The following CDR2L variants were observed in gnomAD, a reference collection of about 807,000 sequenced individuals.
CDR2L encodes cerebellar degeneration-related protein 2-like.
CDR2L carries 19 observed loss-of-function variants against 36.1 expected under a neutral mutation model. That is an observed-to-expected ratio of 0.53 (90% CI 0.37 to 0.77). The LOEUF (loss-of-function observed/expected upper bound fraction) is 0.77. Ranked by LOEUF, CDR2L falls within the 30% of genes least tolerant of loss-of-function variation. The pLI, the probability that CDR2L is intolerant of heterozygous loss-of-function variation, is 0.00. For missense variants in CDR2L, 575 were observed against 627.2 expected, an observed-to-expected ratio of 0.92 and a Z score of 0.89; for synonymous variants, 285 against 280.4, an observed-to-expected ratio of 1.02 and a Z score of -0.16.
At chr17:74,988,789 C>T (rs1309884486) in intron 1 of CDR2L, among the ~76,000 whole-genome samples, 1 of 152,166 alleles carries the variant, frequency 6.6e-6, no homozygotes, top group Non-Finnish European at 1.5e-5. Flanking sequence ...GCCAGTGTGC[C>T]AGGCGAGAGA....
chr17:74,988,340 C>CG (rs2039776486), intron 1 of CDR2L, among the ~76,000 whole-genome samples: 2 of 151,880 alleles, frequency 1.3e-5, no homozygotes, highest in Non-Finnish European at 2.9e-5. Flanking sequence ...AAGTGGGGGG[C>CG]GGGGGGCGGT....
intron 3 of CDR2L, 96 bp from the exon 4 acceptor site, chr17:75,001,968 C>T: frequency 9.0e-7 from 1 of 1,111,606 alleles, no homozygotes. Flanking sequence ...CTGCCTCCTA[C>T]CCAACGTCCC....
At chr17:74,999,671 G>A in intron 2 of CDR2L, 55 bp downstream of exon 2, 2 of 1,065,740 alleles carry the variant, frequency 1.9e-6, no homozygotes, top group African/African-American at 1.6e-5. Context: ...TGGCCTGTGT[G>A]TGCCTTTATG....
In CDR2L at chr17:74,989,138, C is replaced by G. The variant is rs1231742321; in HGVS notation, c.79+1016C>G. Among the ~76,000 whole-genome samples the G allele has an allele frequency of 6.6e-6, 1 of 152,116 alleles. No individual in the cohort carries two copies. The highest frequency in any genetic ancestry group is 1.5e-5 in the Non-Finnish European group (1 of 68,010). ...GCCATTGTGGCCTGCTGTGGTGTGC[C>G]CACACCCTGGTCTCCATCCACAAGG... On this transcript the variant is annotated intron_variant, in intron 1 of 4. Transcript: ENST00000337231. The surrounding 1 kb of genome is among the most constrained non-coding windows in gnomAD (Gnocchi z 4.2).
At position 75,003,579 on chromosome 17, in the gene CDR2L, G is replaced by C. The variant is rs1391391663; in HGVS notation, c.903G>C (p.Gly301=). The C allele has an allele frequency of 2.4e-5, 36 of 1,508,628 alleles. No homozygotes were observed. The highest frequency in any genetic ancestry group is 7.4e-5 in the East Asian group (3 of 40,572). The allele number at this position is 1,508,628 out of a possible 1,614,324, so 93.5% of individuals were successfully genotyped here. The stretch of plus-strand genomic sequence containing the variant: ...GGGACGACTTGGGCGCCCAGGACGG[G>C]GTCTCCTCACCGGCAGCCTCTCCAG... ...GRGDDLGAQD[G]VSSPAASPGH... The change falls in exon 5 of 5, where the codon GGG becomes GGC. Residue 301 remains glycine (G), a synonymous_variant. Coordinates refer to ENST00000337231, the MANE Select transcript of CDR2L (RefSeq NM_014603.3).
At chr17:74,993,981 A>G (rs1183383135) in intron 1 of CDR2L, among the ~76,000 whole-genome samples, 1 of 152,206 alleles carries the variant, frequency 6.6e-6, no homozygotes, top group Non-Finnish European at 1.5e-5. Context: ...CTCACAAGGC[A>G]ATGTCAGTTC....
chr17:74,997,068 C>G (rs11650669), intron 1 of CDR2L, among the ~76,000 whole-genome samples: 1 of 5,116 alleles, frequency 2.0e-4, no homozygotes, highest in Non-Finnish European at 9.7e-4. Flanking sequence ...TTCTTTCTTT[C>G]TTTCTTTCTT....
chr17:75,001,484 C>A lies in CDR2L; in HGVS notation c.336C>A (p.Ile112=). The change falls in exon 3 of 5, where the codon ATC becomes ATA. Residue 112 remains isoleucine (I), a synonymous_variant. Coordinates refer to ENST00000337231, the MANE Select transcript of CDR2L (RefSeq NM_014603.3). ...VLESKAAQQK[I]HGLTETIERL... is the part of the protein sequence containing the mutation. ...AGAGTAAGGCTGCCCAGCAGAAGAT[C>A]CATGGGTGAGGGCCCGGCTGAGGGC... The A allele has an allele frequency of 6.4e-7, 1 of 1,563,888 alleles. No homozygotes were observed. Among genetic ancestry groups the A allele is most frequent in the Non-Finnish European group, 8.6e-7 (1 of 1,157,444 alleles).
chr17:74,996,044 A>G (rs1598653734), intron 1 of CDR2L, among the ~76,000 whole-genome samples: 2 of 151,554 alleles, frequency 1.3e-5, no homozygotes, highest in East Asian at 3.9e-4. Flanking sequence ...AATACAATTC[A>G]CTCATTTAAA....
chr17:74,989,064 T>C lies in CDR2L; in HGVS notation c.79+942T>C, dbSNP rs1011805908. Among the ~76,000 whole-genome samples the C allele has an allele frequency of 5.3e-5, 8 of 152,166 alleles. No homozygotes were observed. The highest frequency in any genetic ancestry group is 1.2e-4 in the Non-Finnish European group (8 of 68,028). ...TGTCCAGGGAGAAGTGACCTTCCCA[T>C]GGCCTCCAGCAAGCTGGGGGGTGTG... is the stretch of plus-strand genomic sequence containing the variant. On this transcript the variant is annotated intron_variant, in intron 1 of 4. Coordinates refer to ENST00000337231, the MANE Select transcript of CDR2L (RefSeq NM_014603.3). This position sits in a 1 kb window ranked among gnomAD's most constrained non-coding sequence, Gnocchi z 4.2.
chr17:75,004,489 G>A lies in CDR2L; in HGVS notation c.*415G>A, dbSNP rs73365045. ...GAGATTTGCAATGCAAGGTCTCCTT[G>A]ACCCCTTGCCACAACTGGAAACACT... is the stretch of plus-strand genomic sequence containing the variant. On this transcript the variant is annotated 3_prime_UTR_variant, in exon 5 of 5. Transcript: ENST00000337231. 0.054 allele frequency: 8,542 copies of A among 157,100 alleles called. 593 individuals are homozygous for A. Among genetic ancestry groups the A allele is most frequent in the African/African-American group, 0.17 (6,873 of 40,406 alleles). 9.7% of individuals were successfully genotyped at this position (157,100 alleles called of 1,614,324 possible). A position where few individuals can be genotyped will look rare whatever the true frequency, so the allele number is the denominator to read the frequency against.
chr17:74,990,783 T>TG (rs906184079), intron 1 of CDR2L, among the ~76,000 whole-genome samples: 2 of 152,180 alleles, frequency 1.3e-5, no homozygotes, highest in Non-Finnish European at 2.9e-5. Context: ...AGCTGGATGG[T>TG]GGGACGGAGC....
chr17:74,990,230 C>A (rs1271459923), intron 1 of CDR2L, among the ~76,000 whole-genome samples: 3 of 152,124 alleles, frequency 2.0e-5, no homozygotes, highest in African/African-American at 7.2e-5. Context: ...TCTGGGCTGC[C>A]GGGAGGGATG....
At position 75,004,496 on chromosome 17, in the gene CDR2L, T is replaced by C. The variant is rs1050628798; in HGVS notation, c.*422T>C. On this transcript the variant is annotated 3_prime_UTR_variant, in exon 5 of 5. Coordinates refer to ENST00000337231, the MANE Select transcript of CDR2L (RefSeq NM_014603.3). ...GCAATGCAAGGTCTCCTTGACCCCT[T>C]GCCACAACTGGAAACACTTGAAAGG... 1 of 159,340 alleles carries C rather than the reference T, an allele frequency of 6.3e-6. No individual in the cohort carries two copies. Among genetic ancestry groups the C allele is most frequent in the Admixed American group, 6.2e-5 (1 of 16,126 alleles). 9.9% of individuals were successfully genotyped at this position (159,340 alleles called of 1,614,324 possible).
intron 1 of CDR2L, among the ~76,000 whole-genome samples, chr17:74,993,900 T>C (rs2039810724): frequency 6.6e-6 from 1 of 152,196 alleles, no homozygotes; most frequent in African/African-American, 2.4e-5. Context: ...AGGATCAGAC[T>C]CCGGATTTGT....
intron 1 of CDR2L, among the ~76,000 whole-genome samples, chr17:74,997,071 TCTTTCTTTC>T (rs769513713): frequency 0.5 from 28,473 of 57,336 alleles, 5,237 homozygotes; most frequent in Admixed American, 0.57. Context: ...TTTCTTTCTT[TCTTTCTTTC>T]TTTCTTTTTT....
At chr17:74,999,752 G>T (rs2039853415) in intron 2 of CDR2L, 136 bp downstream of exon 2, 2 of 569,518 alleles carry the variant, frequency 3.5e-6, no homozygotes. Context: ...TCACAACTGT[G>T]CTATCCTGTA....
Position 74,993,604 on chromosome 17 carries a change from G to T in CDR2L, c.79+5482G>T, listed in dbSNP as rs529603794. Among the ~76,000 whole-genome samples the T allele has an allele frequency of 4.3e-4, 65 of 152,244 alleles. 1 individual carries two copies. In the South Asian group the frequency reaches 0.011, roughly 27 times the overall value. Reference sequence around the variant, plus strand: ...CATTCCCTTACTAGGTTTATGTTATGTAACTAGTTTTTTCTTGGCATCCTC... The same window carrying T: ...CATTCCCTTACTAGGTTTATGTTATTTAACTAGTTTTTTCTTGGCATCCTC... On this transcript the variant is annotated intron_variant, in intron 1 of 4. Transcript: ENST00000337231.
chr17:74,994,713 C>T (rs1462482396), intron 1 of CDR2L, among the ~76,000 whole-genome samples: 1 of 151,980 alleles, frequency 6.6e-6, no homozygotes, highest in East Asian at 1.9e-4. Flanking sequence ...TCAAGCAGTC[C>T]TCCCACATCA....
Sources: gnomAD v4.1 joint callset for allele counts (sites outside exome capture counted in the v4.1 genomes callset) on GRCh38, gnomAD v4.1.1 for gene constraint, Gnocchi (gnomAD v3.1) non-coding constraint, MANE v1.5 for transcripts, NCBI Gene and HGNC (gene_info 2026-07-23, HGNC 2026-07-21) for gene names.